The following CD226 variants were observed in gnomAD, a reference collection of about 807,000 sequenced individuals.
CD226 encodes CD226 antigen.
Under a neutral mutation model 34.9 loss-of-function variants are expected in CD226, and 24 were observed. The observed-to-expected ratio is 0.69, with a 90% CI of 0.50 to 0.97. The LOEUF (loss-of-function observed/expected upper bound fraction) is 0.97, where lower values mean the gene tolerates loss of function less well. Among genes scored for constraint, CD226 ranks in the 50% least tolerant of loss-of-function variants. The pLI is 0.00. For missense variants in CD226, 397 were observed against 412.7 expected (o/e 0.96, Z 0.33); for synonymous variants, 148 against 147.4 (o/e 1.00, Z -0.03).
At chr18:69,878,447 G>A (rs1984011941) in intron 3 of CD226, among the ~76,000 whole-genome samples, 1 of 152,136 alleles carries the variant, frequency 6.6e-6, no homozygotes, top group Admixed American at 6.5e-5. Flanking sequence ...AAAGGCTCAT[G>A]ATAGAAATAT....
At position 69,853,568 on chromosome 18, in the gene CD226, T is replaced by C. The variant is rs1488332943; in HGVS notation, c.*10746A>G. 4 of 152,258 alleles carry C rather than the reference T, an allele frequency of 2.6e-5. No homozygotes were observed. Among genetic ancestry groups the C allele is most frequent in the Admixed American group, 2.6e-4 (4 of 15,290 alleles). The allele number at this position is 152,258 out of a possible 1,614,324, so 9.4% of individuals were successfully genotyped here. On this transcript the variant is annotated 3_prime_UTR_variant, in exon 6 of 6. Transcript: ENST00000582621. ...ATGAATTAATATTGAACACATATGA[T>C]GAGTGAAACACCACCATGTGACTCA...
Position 69,875,879 on chromosome 18 carries a change from G to A in CD226, c.728-2633C>T, listed in dbSNP as rs1599381393. Among the ~76,000 whole-genome samples, 3 of 152,256 alleles carry A rather than the reference G, an allele frequency of 2.0e-5. No individual in the cohort carries two copies. The South Asian group carries it at 6.2e-4, about 32-fold the overall frequency. ...AAAAAAGTCAAACTTATAGAAGCAG[G>A]GAATAGAACAGTGGTTGCCAGGAGG... is the stretch of plus-strand genomic sequence containing the variant. On this transcript the variant is annotated intron_variant, in intron 3 of 5. Transcript: ENST00000582621.
At chr18:69,896,643 G>A (rs895998119) in intron 2 of CD226, among the ~76,000 whole-genome samples, 2 of 152,168 alleles carry the variant, frequency 1.3e-5, no homozygotes, top group African/African-American at 2.4e-5. Flanking sequence ...AACCCCTGGT[G>A]CTTTTCTTGG....
chr18:69,931,125 T>A (rs112535427), intron 2 of CD226, among the ~76,000 whole-genome samples: 2,369 of 151,670 alleles, frequency 0.016, 36 homozygotes, highest in African/African-American at 0.035. Context: ...CAGCAAACTA[T>A]CACAAAGACA....
At position 69,946,888 on chromosome 18, in the gene CD226, A is replaced by G; in HGVS notation, c.228T>C (p.Ala76=). The change falls in exon 2 of 6, where the codon GCT becomes GCC. Residue 76 remains alanine, a synonymous_variant. Coordinates refer to ENST00000582621, the MANE Select transcript of CD226 (RefSeq NM_001303618.2). ...TTGAATTCAAAAAGTAAACCCTCTC[A>G]GCATAGGGCTTCCTTATGACCATGC... ...THGMVIRKPY[A]ERVYFLNSTM... is the part of the protein sequence containing the mutation. The G allele has an allele frequency of 6.2e-7, 1 of 1,614,136 alleles. No individual in the cohort carries two copies. The highest frequency in any genetic ancestry group is 1.1e-5 in the South Asian group (1 of 91,082).
At position 69,887,771 on chromosome 18, in the gene CD226, G is replaced by A. The variant is rs570608797; in HGVS notation, c.727+7930C>T. ...TGGCCTACCTTTGAGTTCTACCAAA[G>A]TTAAAAACATTGAATTAATCCTGGA... On this transcript the variant is annotated intron_variant, in intron 3 of 5. Coordinates refer to ENST00000582621, the MANE Select transcript of CD226 (RefSeq NM_001303618.2). Among the ~76,000 whole-genome samples, 6 of 152,272 alleles carry A rather than the reference G, an allele frequency of 3.9e-5. No individual in the cohort carries two copies. In the South Asian group the frequency reaches 1.2e-3, roughly 32 times the overall value.
At position 69,859,435 on chromosome 18, in the gene CD226, G is replaced by A. The variant is rs1206781270; in HGVS notation, c.*4879C>T. On this transcript the variant is annotated 3_prime_UTR_variant, in exon 6 of 6. Coordinates refer to ENST00000582621, the MANE Select transcript of CD226 (RefSeq NM_001303618.2). ...TAGTTTAACTAAGAGTACTGGCAAG[G>A]TCATAAGAAATAAATGCCAAATATT... 3.3e-5 allele frequency: 5 copies of A among 152,022 alleles called. No individual in the cohort carries two copies. Among genetic ancestry groups the A allele is most frequent in the Admixed American group, 6.6e-5 (1 of 15,244 alleles). The allele number at this position is 152,022 out of a possible 1,614,324, so 9.4% of individuals were successfully genotyped here.
At chr18:69,898,273 G>A (rs1320734063) in intron 2 of CD226, among the ~76,000 whole-genome samples, 9 of 152,162 alleles carry the variant, frequency 5.9e-5, no homozygotes, top group African/African-American at 1.9e-4. Flanking sequence ...AAGAGGCAGC[G>A]TGAATGCGTG....
chr18:69,931,691 C>T (rs1285353161), intron 2 of CD226, among the ~76,000 whole-genome samples: 2 of 152,146 alleles, frequency 1.3e-5, no homozygotes, highest in African/African-American at 2.4e-5. Flanking sequence ...AAATGTAAGA[C>T]CTGAATCTTC....
At chr18:69,914,782 T>C (rs2055365875) in intron 2 of CD226, among the ~76,000 whole-genome samples, 1 of 152,094 alleles carries the variant, frequency 6.6e-6, no homozygotes, top group African/African-American at 2.4e-5. Flanking sequence ...CTCAAGGAAA[T>C]TGCAAAGGAA....
At chr18:69,896,181 CTTT>C (rs33943534) in intron 2 of CD226, 136 bp from the exon 3 acceptor site, 137 of 1,205,968 alleles carry the variant, frequency 1.1e-4, no homozygotes, top group East Asian at 3.3e-4. Flanking sequence ...CTTTATACTA[CTTT>C]TTTTTTTTTT....
intron 2 of CD226, among the ~76,000 whole-genome samples, chr18:69,940,472 A>C (rs1276869240): frequency 6.6e-6 from 1 of 152,234 alleles, no homozygotes; most frequent in African/African-American, 2.4e-5. Context: ...AATTTGTTGA[A>C]TGACATTGAC....
At chr18:69,866,054 G>A (rs553129917) in intron 5 of CD226, among the ~76,000 whole-genome samples, 1 of 152,230 alleles carries the variant, frequency 6.6e-6, no homozygotes, top group South Asian at 2.1e-4. Flanking sequence ...CTGCGGGCCT[G>A]TTTCTTGGTT....
At chr18:69,926,480 C>A (rs2055523256) in intron 2 of CD226, among the ~76,000 whole-genome samples, 1 of 152,140 alleles carries the variant, frequency 6.6e-6, no homozygotes, top group Admixed American at 6.5e-5. Flanking sequence ...TTCATACCAT[C>A]ATGTAATGTC....
chr18:69,866,952 T>A (rs1039154302), intron 5 of CD226, among the ~76,000 whole-genome samples: 1 of 152,124 alleles, frequency 6.6e-6, no homozygotes, highest in Non-Finnish European at 1.5e-5. Flanking sequence ...TGGATTCTCA[T>A]CCCACGAAGA....
At chr18:69,864,968 T>C (rs1983047907) in intron 5 of CD226, among the ~76,000 whole-genome samples, 2 of 152,166 alleles carry the variant, frequency 1.3e-5, no homozygotes, top group Non-Finnish European at 2.9e-5. Context: ...TTTTGATGAG[T>C]AATTTAAAAA....
chr18:69,904,897 CTAATGATTCTGTACTAGAGAATA>C (rs2055233128), intron 2 of CD226, among the ~76,000 whole-genome samples: 1 of 152,228 alleles, frequency 6.6e-6, no homozygotes, highest in Non-Finnish European at 1.5e-5. Context: ...AACACCATCT[CTAATGATTCTGTACTAGAGAATA>C]GATTGTTAGT....
intron 2 of CD226, among the ~76,000 whole-genome samples, chr18:69,901,407 T>C (rs900238682): frequency 1.3e-5 from 2 of 152,178 alleles, no homozygotes. Context: ...TGAGATGACT[T>C]AATGGCTGGA....
upstream of CD226, among the ~76,000 whole-genome samples, chr18:69,960,664 C>T (rs1450149082): frequency 6.6e-6 from 1 of 152,086 alleles, no homozygotes; most frequent in African/African-American, 2.4e-5. Context: ...TGGCCAGGCT[C>T]GTCTTGAATT....
Sources: allele counts gnomAD v4.1 joint callset (sites outside exome capture counted in the v4.1 genomes callset), GRCh38; gene constraint gnomAD v4.1.1; transcripts MANE v1.5; gene names NCBI Gene and HGNC (gene_info 2026-07-23, HGNC 2026-07-21).